The following SCHIP1 variants were observed in gnomAD, a reference collection of about 807,000 sequenced individuals.
SCHIP1 encodes schwannomin interacting protein 1, also known as schwannomin-interacting protein 1.
In SCHIP1, 8 loss-of-function variants were observed where a neutral mutation model predicts 29.7. The ratio of observed to expected loss-of-function variants is 0.27; its 90% CI spans 0.16 to 0.49. The LOEUF (loss-of-function observed/expected upper bound fraction) is 0.49, where lower values mean the gene tolerates loss of function less well. Ranked by LOEUF, SCHIP1 falls within the 20% of genes least tolerant of loss-of-function variation. The pLI is 0.99. For missense variants in SCHIP1, 193 were observed against 294.6 expected (o/e 0.66, Z 2.52); for synonymous variants, 76 against 94.9 (o/e 0.80, Z 1.16).
At chr3:159,680,640 TATATAATATATGTATATATAAA>T in the SCHIP1 span, among the ~76,000 whole-genome samples, 9 of 76,534 alleles carry the variant, frequency 1.2e-4, no homozygotes, top group African/African-American at 1.9e-4. Context: ...TTTTATATAT[TATATAATATATGTATATATAAA>T]ATATATATTA....
At chr3:159,460,414 A>G in the SCHIP1 span, among the ~76,000 whole-genome samples, 1 of 152,210 alleles carries the variant, frequency 6.6e-6, no homozygotes, top group African/African-American at 2.4e-5. Context: ...GATCAAATAA[A>G]TCTACCTGGA....
At chr3:159,545,971 G>A in the SCHIP1 span, among the ~76,000 whole-genome samples, 4 of 151,688 alleles carry the variant, frequency 2.6e-5, no homozygotes, top group African/African-American at 7.3e-5. Flanking sequence ...TTTGTGTAGA[G>A]GTGTTACATA....
the SCHIP1 span, among the ~76,000 whole-genome samples, chr3:159,420,652 T>C: frequency 1.3e-5 from 2 of 152,208 alleles, no homozygotes; most frequent in African/African-American, 4.8e-5. Flanking sequence ...AAAAGACAAT[T>C]TGTCCTGCTA....
the SCHIP1 span, chr3:159,274,914 G>A: frequency 2.3e-6 from 2 of 883,814 alleles, no homozygotes. Flanking sequence ...AAAACCAGTA[G>A]TAAATGCAAT....
chr3:159,663,099 C>G, the SCHIP1 span, among the ~76,000 whole-genome samples: 1 of 152,180 alleles, frequency 6.6e-6, no homozygotes, highest in Non-Finnish European at 1.5e-5. Context: ...TGGGTTTTGT[C>G]ACTCTGATAT....
the SCHIP1 span, among the ~76,000 whole-genome samples, chr3:159,467,018 AT>A: frequency 2.6e-5 from 4 of 152,152 alleles, no homozygotes; most frequent in Admixed American, 1.3e-4. Context: ...ATAACAAAAA[AT>A]ATCACTTTCC....
the SCHIP1 span, among the ~76,000 whole-genome samples, chr3:159,631,173 A>C: frequency 1.3e-5 from 2 of 152,138 alleles, no homozygotes; most frequent in Admixed American, 6.6e-5. Flanking sequence ...ACTTAAAAAA[A>C]AAAACCCAGA....
the SCHIP1 span, among the ~76,000 whole-genome samples, chr3:159,411,597 T>C: frequency 6.6e-6 from 1 of 152,188 alleles, no homozygotes; most frequent in African/African-American, 2.4e-5. Context: ...GAAGTATTCA[T>C]AATGAACTCT....
intron 1 of SCHIP1, chr3:159,840,293 C>CT: frequency 2.4e-6 from 3 of 1,266,390 alleles, no homozygotes; most frequent in Non-Finnish European, 3.3e-6. Flanking sequence ...CAGGTTGCCT[C>CT]TTTCCGGATA....
the SCHIP1 span, among the ~76,000 whole-genome samples, chr3:159,582,787 T>TACACACACACAC: frequency 2.5e-3 from 359 of 144,228 alleles, 1 homozygote; most frequent in Admixed American, 4.0e-3. Context: ...AATATATATA[T>TACACACACACAC]ACACACACAC....
the SCHIP1 span, among the ~76,000 whole-genome samples, chr3:159,619,193 C>G: frequency 1.3e-5 from 2 of 152,270 alleles, no homozygotes; most frequent in African/African-American, 4.8e-5. Flanking sequence ...TTCTTTTCTC[C>G]TCTTTTTTAA....
chr3:159,445,931 A>C, the SCHIP1 span, among the ~76,000 whole-genome samples: 1 of 151,098 alleles, frequency 6.6e-6, no homozygotes, highest in Non-Finnish European at 1.5e-5. Context: ...ATGCTAAATG[A>C]TGAGTTAATG....
chr3:159,751,567 C>T, the SCHIP1 span, among the ~76,000 whole-genome samples: 2 of 136,400 alleles, frequency 1.5e-5, no homozygotes, highest in Admixed American at 7.5e-5. Context: ...TTTTTTGAGA[C>T]GGAGTCTCAC....
At chr3:159,578,069 G>C in the SCHIP1 span, among the ~76,000 whole-genome samples, 1 of 152,144 alleles carries the variant, frequency 6.6e-6, no homozygotes, top group South Asian at 2.1e-4. Context: ...CCGGTTTTGG[G>C]GGGGTGGAAG....
chr3:159,679,765 T>C, the SCHIP1 span, among the ~76,000 whole-genome samples: 1 of 151,998 alleles, frequency 6.6e-6, no homozygotes, highest in African/African-American at 2.4e-5. Context: ...TGCTGTCCCC[T>C]CCACACCCCT....
At chr3:159,385,388 T>G in the SCHIP1 span, among the ~76,000 whole-genome samples, 3 of 152,068 alleles carry the variant, frequency 2.0e-5, no homozygotes, top group Admixed American at 1.3e-4. Flanking sequence ...CAAAATCCAG[T>G]CTCTACTAAA....
chr3:159,357,271 A>G, the SCHIP1 span, among the ~76,000 whole-genome samples: 4 of 152,222 alleles, frequency 2.6e-5, no homozygotes, highest in Admixed American at 6.5e-5. Context: ...CACAGAATTT[A>G]CTAGGATTTA....
At chr3:159,763,803 C>G in the SCHIP1 span, 2 of 152,264 alleles carry the variant, frequency 1.3e-5, no homozygotes, top group African/African-American at 4.8e-5. Context: ...CCCCCCACCC[C>G]GAGCCTTCCG....
the SCHIP1 span, among the ~76,000 whole-genome samples, chr3:159,297,177 C>T: frequency 1.4e-5 from 2 of 145,362 alleles, no homozygotes; most frequent in Admixed American, 6.9e-5. Flanking sequence ...TACATAATCA[C>T]CTTTTCTTTA....
Sources: allele counts gnomAD v4.1 joint callset (sites outside exome capture counted in the v4.1 genomes callset), GRCh38; gene constraint gnomAD v4.1.1; transcripts MANE v1.5; gene names NCBI Gene and HGNC (gene_info 2026-07-23, HGNC 2026-07-21).